Variants in ACP6 observed in about 807,000 individuals in gnomAD.
The protein encoded by ACP6 is lysophosphatidic acid phosphatase type 6.
A neutral mutation model predicts 48.1 loss-of-function variants in ACP6; 48 were observed. That is an observed-to-expected ratio of 1.00 (90% CI 0.79 to 1.27). ACP6 has a LOEUF of 1.27. ACP6 is among the 50% of genes most tolerant of loss of function. ACP6 has a pLI of 0.00. For synonymous variants in ACP6, 172 were observed against 204.2 expected (o/e 0.84, Z 1.34); for missense variants, 485 against 529.1 (o/e 0.92, Z 0.82).
rs1659667132 is a variant in ACP6, at chr1:147,647,327, C to T, written c.*96G>A. 2 of 1,372,782 alleles carry T rather than the reference C, an allele frequency of 1.5e-6. No homozygotes were observed. The highest frequency in any genetic ancestry group is 2.9e-5 in the African/African-American group (2 of 69,406). 85.0% of individuals were successfully genotyped at this position (1,372,782 alleles called of 1,614,324 possible). A position where few individuals can be genotyped will look rare whatever the true frequency, so the allele number is the denominator to read the frequency against. ...CCTTACATTATATTAAAGTACATTA[C>T]CCCTTGCTCTCTCCTCTTCCCAAAC... is the stretch of plus-strand genomic sequence containing the variant. On this transcript the variant is annotated 3_prime_UTR_variant, in exon 10 of 10. Transcript: ENST00000583509.
chr1:147,651,450 T>C (rs1432581438), intron 7 of ACP6: 1 of 152,178 alleles, frequency 6.6e-6, no homozygotes, highest in African/African-American at 2.4e-5. Flanking sequence ...AGATGAGTAG[T>C]TGTAACAGAA....
chr1:147,647,861 C>T, intron 9 of ACP6: 1 of 500,224 alleles, frequency 2.0e-6, no homozygotes, highest in East Asian at 3.3e-5. Flanking sequence ...GCCCTGGACC[C>T]CAGCCCTGAT....
At chr1:147,633,853 A>C (rs1659232533) in intron 5 of ACP6, among the ~76,000 whole-genome samples, 1 of 141,592 alleles carries the variant, frequency 7.1e-6, no homozygotes, top group African/African-American at 3.0e-5. Flanking sequence ...CATTTAAAAA[A>C]ATTGTGGTAA....
chr1:147,631,412 T>C (rs587633292), intron 5 of ACP6, among the ~76,000 whole-genome samples: 1 of 152,340 alleles, frequency 6.6e-6, no homozygotes, highest in Non-Finnish European at 1.5e-5. Context: ...TCACTCTAGA[T>C]GAAGTTACTA....
At chr1:147,652,341 G>T in intron 7 of ACP6, 108 bp downstream of exon 7, 1 of 1,137,052 alleles carries the variant, frequency 8.8e-7, no homozygotes, top group East Asian at 2.5e-5. Flanking sequence ...CTCCTTACAC[G>T]AGGAGACATC....
At position 147,647,871 on chromosome 1, in the gene ACP6, T is replaced by C. The variant is rs587698564; in HGVS notation, c.1144-305A>G. 77 of 490,512 alleles carry C rather than the reference T, an allele frequency of 1.6e-4. 1 individual carries two copies. Among genetic ancestry groups the C allele is most frequent in the Non-Finnish European group, 9.8e-5 (27 of 275,848 alleles). The allele number at this position is 490,512 out of a possible 1,614,324, so 30.4% of individuals were successfully genotyped here. A position where few individuals can be genotyped will look rare whatever the true frequency, so the allele number is the denominator to read the frequency against. On this transcript the variant is annotated intron_variant, in intron 9 of 9. Transcript: ENST00000583509. ...CCTCTGCCCTGGACCCCAGCCCTGA[T>C]GAAGCAGCCAACACCACGGGTGCTA...
chr1:147,635,985 T>G (rs1452781429), intron 5 of ACP6, among the ~76,000 whole-genome samples: 1 of 151,878 alleles, frequency 6.6e-6, no homozygotes, highest in Non-Finnish European at 1.5e-5. Flanking sequence ...TCCTGAGGGG[T>G]TGGGGGAGTG....
At chr1:147,659,618 G>C in intron 2 of ACP6, 29 bp downstream of exon 2, 2 of 1,613,834 alleles carry the variant, frequency 1.2e-6, no homozygotes, top group Non-Finnish European at 1.7e-6. Flanking sequence ...TTGCAGTGGG[G>C]CTCCCCAGAG....
chr1:147,632,721 A>G (rs778535993), intron 5 of ACP6, among the ~76,000 whole-genome samples: 1 of 152,122 alleles, frequency 6.6e-6, no homozygotes, highest in Non-Finnish European at 1.5e-5. Flanking sequence ...TAATCAGAGG[A>G]CTTACATGCT....
At chr1:147,661,302 T>A (rs1447868924) in intron 1 of ACP6, among the ~76,000 whole-genome samples, 1 of 129,632 alleles carries the variant, frequency 7.7e-6, no homozygotes, top group Non-Finnish European at 1.6e-5. Flanking sequence ...GCATATACCA[T>A]CATGCCCAGC....
At position 147,659,527 on chromosome 1, in the gene ACP6, C is replaced by G. The variant is rs1553212326; in HGVS notation, c.349-1G>C. The stretch of plus-strand genomic sequence containing the variant: ...TCAGCTGCCCAGCAAACATGCCCCC[C>G]TAAAGTAGGGAAGAAAGAGAAAGAA... On this transcript the variant is annotated splice_acceptor_variant, in intron 2 of 9. Coordinates refer to ENST00000583509, the MANE Select transcript of ACP6 (RefSeq NM_016361.5). LOFTEE classifies it high-confidence loss of function. The G allele has an allele frequency of 6.2e-7, 1 of 1,613,390 alleles. No individual in the cohort carries two copies. The highest frequency in any genetic ancestry group is 1.7e-5 in the Admixed American group (1 of 60,014).
In ACP6 at chr1:147,643,486, T is replaced by G. The variant is rs1659517969; in HGVS notation, c.*3937A>C. The G allele has an allele frequency of 6.6e-6, 1 of 152,150 alleles. No homozygotes were observed. Among genetic ancestry groups the G allele is most frequent in the African/African-American group, 2.4e-5 (1 of 41,380 alleles). The allele number at this position is 152,150 out of a possible 1,614,324, so 9.4% of individuals were successfully genotyped here. On this transcript the variant is annotated 3_prime_UTR_variant, in exon 10 of 10. Transcript: ENST00000583509. The stretch of plus-strand genomic sequence containing the variant: ...GAGGGCAAGGAGGGCCTCTCTGAGA[T>G]GACAATGAGCTGAGATCTGAATGAA...
At position 147,655,226 on chromosome 1, in the gene ACP6, A is replaced by G; in HGVS notation, c.582T>C (p.Asp194=). The stretch of plus-strand genomic sequence containing the variant: ...GATACAAGACTTCTGAATCTGCTTC[A>G]TCAGTGTGGATGATGATGGGTCCTG... ...QKEGPIIIHT[D]EADSEVLYPN... is the part of the protein sequence containing the mutation. Residue 194 remains aspartate (D), a synonymous_variant, in exon 5 of 10, where the codon GAT becomes GAC. Transcript: ENST00000583509. The G allele has an allele frequency of 1.2e-6, 2 of 1,607,218 alleles. No individual in the cohort carries two copies. The highest frequency in any genetic ancestry group is 1.7e-6 in the Non-Finnish European group (2 of 1,176,426).
At chr1:147,654,812 T>C (rs1660154586) in intron 5 of ACP6, among the ~76,000 whole-genome samples, 1 of 152,186 alleles carries the variant, frequency 6.6e-6, no homozygotes, top group South Asian at 2.1e-4. Flanking sequence ...AATCATCTTT[T>C]ATTTAACCTG....
chr1:147,665,563 C>T (rs1660753551), intron 1 of ACP6, among the ~76,000 whole-genome samples: 1 of 152,226 alleles, frequency 6.6e-6, no homozygotes, highest in Admixed American at 6.5e-5. Context: ...GTTCCCAGTG[C>T]TCCCAGCATA....
chr1:147,645,128 G>A lies in ACP6; in HGVS notation c.*2295C>T, dbSNP rs1220449499. On this transcript the variant is annotated 3_prime_UTR_variant, in exon 10 of 10. Coordinates refer to ENST00000583509, the MANE Select transcript of ACP6 (RefSeq NM_016361.5). Reference sequence around the variant, plus strand: ...AAGTAGCTGGGATTACAGGCACATTGTACTCCATAAATAGACACATACAGC... The same window carrying A: ...AAGTAGCTGGGATTACAGGCACATTATACTCCATAAATAGACACATACAGC... The A allele has an allele frequency of 1.3e-5, 2 of 151,462 alleles. No individual in the cohort carries two copies. The highest frequency in any genetic ancestry group is 2.9e-5 in the Non-Finnish European group (2 of 67,932). 9.4% of individuals were successfully genotyped at this position (151,462 alleles called of 1,614,324 possible). A position where few individuals can be genotyped will look rare whatever the true frequency, so the allele number is the denominator to read the frequency against.
At position 147,632,849 on chromosome 1, in the gene ACP6, G is replaced by A. The variant is rs371167120; in HGVS notation, c.461-1784C>T. On this transcript the variant is annotated intron_variant, in intron 5 of 5. Transcript: ENST00000609196. Reference sequence around the variant, plus strand: ...TGGGGTTGAGGAGGTGAGGCTCCTGGCGATTCAGTGGAGAGTAAAGGGTGA... The same window carrying A: ...TGGGGTTGAGGAGGTGAGGCTCCTGACGATTCAGTGGAGAGTAAAGGGTGA... Among the ~76,000 whole-genome samples, 16 of 152,228 alleles carry A rather than the reference G, an allele frequency of 1.1e-4. 1 individual carries two copies. Among genetic ancestry groups the A allele is most frequent in the South Asian group, 1.0e-3 (5 of 4,814 alleles).
At chr1:147,648,854 C>T (rs1483319864) in intron 8 of ACP6, among the ~76,000 whole-genome samples, 1 of 152,132 alleles carries the variant, frequency 6.6e-6, no homozygotes, top group Non-Finnish European at 1.5e-5. Flanking sequence ...ATTCACAAGC[C>T]CATTTGGCCC....
chr1:147,659,798 C>G (rs782420465), intron 1 of ACP6, 23 bp from the exon 2 acceptor site: 3 of 1,610,686 alleles, frequency 1.9e-6, no homozygotes, highest in Non-Finnish European at 2.5e-6. Context: ...AAAAAACACA[C>G]CACATTGTTT....
Sources: gnomAD v4.1 joint callset for allele counts (sites outside exome capture counted in the v4.1 genomes callset) on GRCh38, gnomAD v4.1.1 for gene constraint, MANE v1.5 for transcripts, NCBI Gene and HGNC (gene_info 2026-07-23, HGNC 2026-07-21) for gene names.